BBX: variants seen among roughly 807,000 people sequenced by gnomAD.
BBX encodes HMG box transcription factor BBX.
In BBX, 30 loss-of-function variants were observed where a neutral mutation model predicts 100.2. The observed-to-expected ratio is 0.30, with a 90% CI of 0.22 to 0.41. The LOEUF is 0.41. Ranked by LOEUF, BBX falls within the 10% of genes least tolerant of loss-of-function variation. The pLI, the probability that BBX is intolerant of heterozygous loss-of-function variation, is 1.00. For missense variants in BBX, 1,023 were observed against 1,129.8 expected (o/e 0.91, Z 1.35); for synonymous variants, 376 against 388.1 (o/e 0.97, Z 0.37).
At chr3:107,587,910 T>C (rs999081932) in intron 2 of BBX, among the ~76,000 whole-genome samples, 5 of 152,208 alleles carry the variant, frequency 3.3e-5, no homozygotes, top group African/African-American at 1.2e-4. Flanking sequence ...TGTGCCAAGC[T>C]TTAGACATAA....
intron 2 of BBX, among the ~76,000 whole-genome samples, chr3:107,640,103 G>C (rs1408536944): frequency 6.6e-6 from 1 of 152,110 alleles, no homozygotes; most frequent in Non-Finnish European, 1.5e-5. Context: ...AGAGATGTAG[G>C]GATTGTTATC....
At chr3:107,749,732 C>T (rs541653065) in intron 9 of BBX, among the ~76,000 whole-genome samples, 1 of 151,734 alleles carries the variant, frequency 6.6e-6, no homozygotes, top group African/African-American at 2.4e-5. Flanking sequence ...CTCCCAGGTT[C>T]AAGCGATTCT....
rs925569694 is a variant in BBX at position 107,780,560 on chromosome 3, A to G, written c.2203+2041A>G. Among the ~76,000 whole-genome samples the G allele has an allele frequency of 2.0e-5, 3 of 152,068 alleles. No individual in the cohort carries two copies. The East Asian group carries it at 5.8e-4, about 29-fold the overall frequency. Reference sequence around the variant, plus strand: ...TCTTCCATTATACCTCTCAAGCCACAAAGTCACTGGTTCTTATATAGTATA... The same window carrying G: ...TCTTCCATTATACCTCTCAAGCCACGAAGTCACTGGTTCTTATATAGTATA... On this transcript the variant is annotated intron_variant, in intron 13 of 17. Transcript: ENST00000325805.
rs2071211111 is a variant in BBX at position 107,809,586 on chromosome 3, T to C, written c.*4129T>C. Reference sequence around the variant, plus strand: ...TAAGTCCTGTTTCAAAAGTTTGTCTTTTTTTGCTTCTACCTTCAGTGCCAC... The same window carrying C: ...TAAGTCCTGTTTCAAAAGTTTGTCTCTTTTTGCTTCTACCTTCAGTGCCAC... On this transcript the variant is annotated 3_prime_UTR_variant, in exon 18 of 18. Coordinates refer to ENST00000325805, the MANE Select transcript of BBX (RefSeq NM_001142568.3). The C allele has an allele frequency of 6.6e-6, 1 of 152,240 alleles. No individual in the cohort carries two copies. The highest frequency in any genetic ancestry group is 1.5e-5 in the Non-Finnish European group (1 of 68,040). The allele number at this position is 152,240 out of a possible 1,614,324, so 9.4% of individuals were successfully genotyped here.
At chr3:107,541,426 A>G (rs866001525) in intron 2 of BBX, among the ~76,000 whole-genome samples, 1 of 152,308 alleles carries the variant, frequency 6.6e-6, no homozygotes, top group Non-Finnish European at 1.5e-5. Context: ...TGTGAGCTAC[A>G]AAATATCAGT....
intron 2 of BBX, among the ~76,000 whole-genome samples, chr3:107,637,542 T>G (rs2056924964): frequency 6.6e-6 from 1 of 152,226 alleles, no homozygotes; most frequent in South Asian, 2.1e-4. Flanking sequence ...GGTTCTGGCC[T>G]ACCTCTGCCT....
At chr3:107,738,762 C>A (rs1161248632) in intron 7 of BBX, among the ~76,000 whole-genome samples, 1 of 152,166 alleles carries the variant, frequency 6.6e-6, no homozygotes, top group African/African-American at 2.4e-5. Flanking sequence ...CTCATCACTG[C>A]CAGAGCAGGG....
At chr3:107,617,348 T>C (rs2055369706) in intron 2 of BBX, among the ~76,000 whole-genome samples, 1 of 152,204 alleles carries the variant, frequency 6.6e-6, no homozygotes, top group South Asian at 2.1e-4. Flanking sequence ...CATTTTTTTT[T>C]CAAATTGTTT....
chr3:107,769,753 T>A (rs1373036445), intron 10 of BBX, among the ~76,000 whole-genome samples: 1 of 152,152 alleles, frequency 6.6e-6, no homozygotes, highest in Non-Finnish European at 1.5e-5. Flanking sequence ...TGTTGTCTGA[T>A]AGAGTGATAC....
chr3:107,664,752 T>C (rs2058652194), intron 3 of BBX, among the ~76,000 whole-genome samples: 1 of 152,242 alleles, frequency 6.6e-6, no homozygotes, highest in African/African-American at 2.4e-5. Context: ...ATACAGTTTT[T>C]GCAGAGAATG....
At chr3:107,665,424 A>G (rs992261037) in intron 3 of BBX, among the ~76,000 whole-genome samples, 9 of 152,208 alleles carry the variant, frequency 5.9e-5, no homozygotes, top group Middle Eastern at 3.4e-3. Context: ...TTTGTATTCT[A>G]TCTTCTAATT....
At chr3:107,689,255 C>T (rs2060014851) in intron 3 of BBX, among the ~76,000 whole-genome samples, 2 of 152,130 alleles carry the variant, frequency 1.3e-5, no homozygotes, top group Non-Finnish European at 2.9e-5. Context: ...ACAATAAACA[C>T]AGGAAGTTGT....
chr3:107,798,476 T>C (rs2070000812), intron 15 of BBX, 47 bp from the exon 16 acceptor site: 1 of 1,565,708 alleles, frequency 6.4e-7, no homozygotes, highest in African/African-American at 1.4e-5. Flanking sequence ...GCAATTTTGG[T>C]GCCTTCTGTT....
intron 17 of BBX, among the ~76,000 whole-genome samples, chr3:107,802,828 C>T (rs750235996): frequency 6.6e-6 from 1 of 152,170 alleles, no homozygotes; most frequent in Admixed American, 6.5e-5. Context: ...TTTCCAGATA[C>T]GCCAAGCTCT....
chr3:107,711,280 A>G, intron 4 of BBX: 1 of 470,426 alleles, frequency 2.1e-6, no homozygotes, highest in South Asian at 1.6e-5. Flanking sequence ...CTCAGACCAG[A>G]ATAGAAGCTC....
chr3:107,535,449 G>T (rs151062203), intron 2 of BBX, among the ~76,000 whole-genome samples: 74 of 151,084 alleles, frequency 4.9e-4, no homozygotes, highest in African/African-American at 1.7e-3. Context: ...CTTTCTAGTT[G>T]GTATATCTAG....
chr3:107,702,982 C>T (rs990551599), intron 3 of BBX, among the ~76,000 whole-genome samples: 4 of 152,118 alleles, frequency 2.6e-5, no homozygotes, highest in African/African-American at 9.7e-5. Context: ...GACACTTAAC[C>T]CTTCCAGAGC....
intron 3 of BBX, chr3:107,662,021 G>C: frequency 2.0e-6 from 1 of 500,554 alleles, no homozygotes. Context: ...AGAAGAATTT[G>C]TTAGGACACA....
At chr3:107,724,209 C>A (rs916332148) in intron 5 of BBX, among the ~76,000 whole-genome samples, 8 of 152,172 alleles carry the variant, frequency 5.3e-5, no homozygotes, top group Admixed American at 2.6e-4. Context: ...TAAATGTCTT[C>A]TTTTGAGAAG....
Sources: gnomAD v4.1 joint callset for allele counts (sites outside exome capture counted in the v4.1 genomes callset) on GRCh38, gnomAD v4.1.1 for gene constraint, MANE v1.5 for transcripts, NCBI Gene and HGNC (gene_info 2026-07-23, HGNC 2026-07-21) for gene names.